GALNT1: variants seen among roughly 807,000 people sequenced by gnomAD.
GALNT1 encodes GalNAc transferase 1.
In GALNT1, 17 loss-of-function variants were observed where a neutral mutation model predicts 65.7. The ratio of observed to expected loss-of-function variants is 0.26; its 90% CI spans 0.18 to 0.39. GALNT1 has a LOEUF of 0.39. Among genes scored for constraint, GALNT1 ranks in the 10% least tolerant of loss-of-function variants. The pLI, the probability that GALNT1 is intolerant of heterozygous loss-of-function variation, is 1.00. For missense variants in GALNT1, 460 were observed against 672.8 expected (o/e 0.68, Z 3.50); for synonymous variants, 210 against 219.7 (o/e 0.96, Z 0.39).
rs1040776199 is a variant in GALNT1, at chr18:35,702,829, G to A, written c.1300-68G>A. The A allele has an allele frequency of 4.9e-6, 5 of 1,016,054 alleles. No individual in the cohort carries two copies. In the South Asian group the frequency reaches 7.8e-5, roughly 16 times the overall value. The allele number at this position is 1,016,054 out of a possible 1,614,324, so 62.9% of individuals were successfully genotyped here. On this transcript the variant is annotated intron_variant, in intron 9 of 11. Coordinates refer to ENST00000269195, the MANE Select transcript of GALNT1 (RefSeq NM_020474.4). ...GTTTAGGTTGATATTTAGTGTATATGTGTGTGTATCTGTCTGTCTAATTAA... is the reference window on the plus strand; with the variant it reads ...GTTTAGGTTGATATTTAGTGTATATATGTGTGTATCTGTCTGTCTAATTAA...
chr18:35,709,084 C>T (rs2048312618), intron 11 of GALNT1, among the ~76,000 whole-genome samples: 1 of 152,076 alleles, frequency 6.6e-6, no homozygotes, highest in Admixed American at 6.5e-5. Context: ...ATCAGCTGTC[C>T]CAACATTCTT....
intron 3 of GALNT1, among the ~76,000 whole-genome samples, chr18:35,668,856 G>T (rs183456309): frequency 6.6e-6 from 1 of 152,270 alleles, no homozygotes; most frequent in Admixed American, 6.5e-5. Flanking sequence ...GATGAAATTA[G>T]TAGTTCCTAG....
At chr18:35,642,285 G>A (rs1335636811) in intron 1 of GALNT1, among the ~76,000 whole-genome samples, 1 of 152,230 alleles carries the variant, frequency 6.6e-6, no homozygotes, top group African/African-American at 2.4e-5. Flanking sequence ...ATTCAGTAGT[G>A]AAATGGAATT....
intron 11 of GALNT1, among the ~76,000 whole-genome samples, chr18:35,704,279 C>T (rs556774410): frequency 0.083 from 12,420 of 150,520 alleles, 565 homozygotes; most frequent in African/African-American, 0.12. Flanking sequence ...GGCTTAACTT[C>T]TGTAAGGCAT....
At chr18:35,629,416 C>T (rs531315798) in intron 1 of GALNT1, among the ~76,000 whole-genome samples, 4 of 152,206 alleles carry the variant, frequency 2.6e-5, no homozygotes, top group Non-Finnish European at 5.9e-5. Context: ...CAATATTCAA[C>T]ATTCTTAAAG....
chr18:35,624,860 T>A (rs958037816), intron 1 of GALNT1, among the ~76,000 whole-genome samples: 2 of 152,212 alleles, frequency 1.3e-5, no homozygotes, highest in African/African-American at 4.8e-5. Context: ...TTTCTGGCAT[T>A]TTTATTTATT....
intron 9 of GALNT1, among the ~76,000 whole-genome samples, chr18:35,692,800 G>A (rs1186574257): frequency 6.6e-6 from 1 of 152,078 alleles, no homozygotes; most frequent in Non-Finnish European, 1.5e-5. Flanking sequence ...CCTTTTATAA[G>A]TCACAGCAGC....
chr18:35,616,528 T>C lies in GALNT1; in HGVS notation c.-104+34666T>C, dbSNP rs1166045522. Among the ~76,000 whole-genome samples, 3 of 152,324 alleles carry C rather than the reference T, an allele frequency of 2.0e-5. No individual in the cohort carries two copies. The East Asian group carries it at 5.8e-4, about 29-fold the overall frequency. ...TTGGACACTGGGTGTTTTTTTTATC[T>C]GACCTGCATTGCATATGGCTAATGA... On this transcript the variant is annotated intron_variant, in intron 1 of 11. Transcript: ENST00000269195.
chr18:35,709,385 G>A (rs2048318259), intron 11 of GALNT1, among the ~76,000 whole-genome samples: 4 of 151,824 alleles, frequency 2.6e-5, no homozygotes, highest in South Asian at 2.1e-4. Flanking sequence ...CTGGACCCCA[G>A]TGCCTTTCTC....
At chr18:35,632,016 A>G (rs2047019876) in intron 1 of GALNT1, among the ~76,000 whole-genome samples, 1 of 152,234 alleles carries the variant, frequency 6.6e-6, no homozygotes, top group Non-Finnish European at 1.5e-5. Flanking sequence ...CTCTTCAAGG[A>G]GAACTACAAA....
intron 2 of GALNT1, 57 bp from the exon 3 acceptor site, chr18:35,663,571 C>T: frequency 2.6e-6 from 4 of 1,510,326 alleles, no homozygotes; most frequent in Middle Eastern, 1.8e-4. Flanking sequence ...TAAATAGAAT[C>T]ATGAATCAAT....
chr18:35,677,566 A>G (rs758415792), intron 3 of GALNT1, 25 bp from the exon 4 acceptor site: 1 of 1,584,348 alleles, frequency 6.3e-7, no homozygotes, highest in South Asian at 1.1e-5. Flanking sequence ...GTCACTTTTT[A>G]TAAAGGCATT....
intron 1 of GALNT1, among the ~76,000 whole-genome samples, chr18:35,648,548 A>G (rs967544519): frequency 6.6e-6 from 1 of 152,358 alleles, no homozygotes; most frequent in Middle Eastern, 3.4e-3. Context: ...AACTTTAAAA[A>G]TAAGTAGTTA....
intron 1 of GALNT1, among the ~76,000 whole-genome samples, chr18:35,613,075 A>G (rs2046738085): frequency 6.6e-6 from 1 of 151,932 alleles, no homozygotes; most frequent in Non-Finnish European, 1.5e-5. Context: ...TGACTACTCA[A>G]TTTTTCTTTC....
In GALNT1 at chr18:35,599,033, G is replaced by A. The variant is rs111519020; in HGVS notation, c.-104+17171G>A. ...TCATGTACGTGTTGGCTATTTGTAT[G>A]TCTTCTTTTTATTGAAATCTTTAGC... On this transcript the variant is annotated intron_variant, in intron 1 of 11. Coordinates refer to ENST00000269195, the MANE Select transcript of GALNT1 (RefSeq NM_020474.4). Among the ~76,000 whole-genome samples, 933 of 129,778 alleles carry A rather than the reference G, an allele frequency of 7.2e-3. 18 individuals carry two copies. The highest frequency in any genetic ancestry group is 0.025 in the African/African-American group (886 of 35,936). The allele number at this position is 129,778 out of a possible 152,430, so 85.1% of individuals were successfully genotyped here. A position where few individuals can be genotyped will look rare whatever the true frequency, so the allele number is the denominator to read the frequency against.
At chr18:35,661,196 G>T (rs2047472263) in intron 2 of GALNT1, among the ~76,000 whole-genome samples, 1 of 152,002 alleles carries the variant, frequency 6.6e-6, no homozygotes, top group Admixed American at 6.6e-5. Flanking sequence ...AGAAACAAAA[G>T]TAGAGAGAAT....
At chr18:35,705,281 A>G (rs955442553) in intron 11 of GALNT1, among the ~76,000 whole-genome samples, 4 of 152,172 alleles carry the variant, frequency 2.6e-5, no homozygotes, top group African/African-American at 9.7e-5. Flanking sequence ...ACTTCCATGA[A>G]TCCTAACCTG....
upstream of GALNT1, among the ~76,000 whole-genome samples, chr18:35,581,577 CG>C (rs762704560): frequency 1 from 138,217 of 138,246 alleles, 69,094 homozygotes; most frequent in Middle Eastern, 1. Flanking sequence ...CCCAAGTGAG[CG>C]GGCAGGCGGC....
At chr18:35,694,508 A>C (rs1046607658) in intron 9 of GALNT1, among the ~76,000 whole-genome samples, 2 of 152,242 alleles carry the variant, frequency 1.3e-5, no homozygotes, top group Non-Finnish European at 2.9e-5. Flanking sequence ...CTATTTAAAA[A>C]TAGTATGGAG....
Sources: gnomAD v4.1 joint callset for allele counts (sites outside exome capture counted in the v4.1 genomes callset) on GRCh38, gnomAD v4.1.1 for gene constraint, MANE v1.5 for transcripts, NCBI Gene and HGNC (gene_info 2026-07-23, HGNC 2026-07-21) for gene names.